MYO16: variants seen among roughly 807,000 people sequenced by gnomAD.
MYO16 encodes the protein unconventional myosin-XVI.
Under a neutral mutation model 205.3 loss-of-function variants are expected in MYO16, and 94 were observed. That is an observed-to-expected ratio of 0.46 (90% CI 0.39 to 0.54). The LOEUF is 0.54. Among genes scored for constraint, MYO16 ranks in the 20% least tolerant of loss-of-function variants. MYO16 has a pLI of 0.00. For synonymous variants in MYO16, 988 were observed against 954.0 expected, an observed-to-expected ratio of 1.04 and a Z score of -0.66; for missense variants, 2,315 against 2,387.5, an observed-to-expected ratio of 0.97 and a Z score of 0.63.
chr13:108,525,677 T>C, the MYO16 span, among the ~76,000 whole-genome samples: 1 of 152,226 alleles, frequency 6.6e-6, no homozygotes, highest in African/African-American at 2.4e-5. Context: ...CTGAACTCTT[T>C]GTGGACACTT....
chr13:108,930,488 T>C (rs186271974), intron 16 of MYO16, among the ~76,000 whole-genome samples: 182 of 152,318 alleles, frequency 1.2e-3, no homozygotes, highest in African/African-American at 4.3e-3. Flanking sequence ...ATTTAAGTCT[T>C]AGTATATATT....
chr13:108,662,443 G>C (rs1881544637), intron 1 of MYO16, among the ~76,000 whole-genome samples: 2 of 152,300 alleles, frequency 1.3e-5, no homozygotes, highest in African/African-American at 4.8e-5. Flanking sequence ...GACTCTCCTT[G>C]GTTGGGTCTT....
chr13:108,682,586 G>A (rs77228694), intron 2 of MYO16, among the ~76,000 whole-genome samples: 1,713 of 152,046 alleles, frequency 0.011, 42 homozygotes, highest in African/African-American at 0.039. Context: ...AACAAACAAA[G>A]TGACATTTAA....
At chr13:108,820,281 A>G in intron 7 of MYO16, 56 bp from the exon 8 acceptor site, 1 of 1,280,422 alleles carries the variant, frequency 7.8e-7, no homozygotes, top group African/African-American at 1.5e-5. Context: ...TGACTTACTG[A>G]TGTATCCTAG....
At chr13:109,149,634 G>A (rs192200737) in intron 32 of MYO16, among the ~76,000 whole-genome samples, 31 of 152,232 alleles carry the variant, frequency 2.0e-4, no homozygotes, top group African/African-American at 6.7e-4. Context: ...TGTGGGAGGC[G>A]GACAGATAAA....
intron 23 of MYO16, among the ~76,000 whole-genome samples, chr13:109,043,543 A>T (rs753901997): frequency 6.6e-6 from 1 of 152,228 alleles, no homozygotes. Context: ...TGACATTCTC[A>T]GTTTAATGTA....
chr13:109,005,595 A>C lies in MYO16; in HGVS notation c.2443-3302A>C, dbSNP rs531305925. Among the ~76,000 whole-genome samples, 25 of 152,082 alleles carry C rather than the reference A, an allele frequency of 1.6e-4. No homozygotes were observed. The South Asian group carries it at 2.7e-3, about 16-fold the overall frequency. ...AAAATAACTCCATCAGGTTGTAAGAACCTCTGCACTTTGAGCTCTCCTACC... is the reference window on the plus strand; with the variant it reads ...AAAATAACTCCATCAGGTTGTAAGACCCTCTGCACTTTGAGCTCTCCTACC... On this transcript the variant is annotated intron_variant, in intron 21 of 34. Coordinates refer to ENST00000457511, the MANE Select transcript of MYO16 (RefSeq NM_001198950.3).
At chr13:108,496,845 T>C in the MYO16 span, among the ~76,000 whole-genome samples, 3 of 152,102 alleles carry the variant, frequency 2.0e-5, no homozygotes, top group African/African-American at 7.2e-5. Context: ...CTAAGCGGGG[T>C]TAAGTGAAAC....
chr13:108,779,409 T>C (rs1886228092), intron 4 of MYO16: 1 of 152,212 alleles, frequency 6.6e-6, no homozygotes, highest in Admixed American at 6.5e-5. Flanking sequence ...GAATAGCAGA[T>C]TCAGGGAGCA....
At chr13:108,934,754 G>T (rs1172615790) in intron 16 of MYO16, among the ~76,000 whole-genome samples, 1 of 151,894 alleles carries the variant, frequency 6.6e-6, no homozygotes, top group Non-Finnish European at 1.5e-5. Flanking sequence ...TGAATTACCA[G>T]GTATTATAAA....
At chr13:108,509,432 C>A in the MYO16 span, among the ~76,000 whole-genome samples, 1 of 152,210 alleles carries the variant, frequency 6.6e-6, no homozygotes, top group Non-Finnish European at 1.5e-5. Flanking sequence ...TTACACTTTG[C>A]TGTACATCTT....
chr13:108,602,626 A>G (rs1241435454), intron 1 of MYO16, among the ~76,000 whole-genome samples: 7 of 152,200 alleles, frequency 4.6e-5, no homozygotes, highest in African/African-American at 7.2e-5. Flanking sequence ...CTTGCTTTTG[A>G]GAAATCAATC....
chr13:108,692,817 T>C (rs943701546), intron 2 of MYO16, among the ~76,000 whole-genome samples: 2 of 152,194 alleles, frequency 1.3e-5, no homozygotes, highest in African/African-American at 4.8e-5. Context: ...CTTCTGAGCA[T>C]GTGACTTATC....
intron 20 of MYO16, among the ~76,000 whole-genome samples, chr13:108,980,276 C>G (rs1171464980): frequency 6.6e-6 from 1 of 152,174 alleles, no homozygotes; most frequent in African/African-American, 2.4e-5. Flanking sequence ...GCCAAGAGTG[C>G]AGAGGCTAAA....
chr13:108,595,646 G>C (rs575072353), upstream of MYO16, among the ~76,000 whole-genome samples: 3 of 151,998 alleles, frequency 2.0e-5, no homozygotes, highest in Non-Finnish European at 4.4e-5. Context: ...GGAGTGTTTT[G>C]ACAGAAAGCA....
the MYO16 span, among the ~76,000 whole-genome samples, chr13:108,525,037 A>G: frequency 6.6e-6 from 1 of 152,200 alleles, no homozygotes; most frequent in Non-Finnish European, 1.5e-5. Flanking sequence ...GTTCATATTC[A>G]GAACTGAAAT....
At chr13:109,068,679 C>T (rs1414422426) in intron 27 of MYO16, among the ~76,000 whole-genome samples, 2 of 151,622 alleles carry the variant, frequency 1.3e-5, no homozygotes, top group Non-Finnish European at 2.9e-5. Flanking sequence ...GCAACCTCCA[C>T]CTCCCGAGTT....
chr13:108,584,737 C>T, the MYO16 span, among the ~76,000 whole-genome samples: 2 of 152,120 alleles, frequency 1.3e-5, no homozygotes, highest in Admixed American at 1.3e-4. Flanking sequence ...TTTTTCTGTG[C>T]CTGGTTTATA....
intron 24 of MYO16, chr13:109,048,201 G>A (rs9521139): frequency 0.23 from 103,360 of 440,254 alleles, 11,971 homozygotes; most frequent in African/African-American, 0.37. Flanking sequence ...GTGTGTGTGT[G>A]TATTTAGAAT....
Sources: allele counts gnomAD v4.1 joint callset (sites outside exome capture counted in the v4.1 genomes callset), GRCh38; gene constraint gnomAD v4.1.1; transcripts MANE v1.5; gene names NCBI Gene and HGNC (gene_info 2026-07-23, HGNC 2026-07-21).